STK32B: variants seen among roughly 807,000 people sequenced by gnomAD.
STK32B encodes the protein serine/threonine kinase 32B.
STK32B carries 43 observed loss-of-function variants against 52.6 expected under a neutral mutation model. The ratio of observed to expected loss-of-function variants is 0.82; its 90% confidence interval spans 0.64 to 1.05. The LOEUF is 1.05. Among genes scored for constraint, STK32B ranks in the 50% least tolerant of loss-of-function variants. The pLI is 0.00. For missense variants in STK32B, 621 were observed against 534.6 expected (o/e 1.16, Z -1.59); for synonymous variants, 238 against 204.3 (o/e 1.17, Z -1.41).
chr4:5,354,465 C>T (rs1254221589), intron 4 of STK32B, among the ~76,000 whole-genome samples: 2 of 152,182 alleles, frequency 1.3e-5, no homozygotes, highest in Non-Finnish European at 2.9e-5. Flanking sequence ...AAGGTTTTGC[C>T]ATGTTGGCCA....
At chr4:5,464,127 G>A (rs551714487) in intron 9 of STK32B, among the ~76,000 whole-genome samples, 188 of 152,216 alleles carry the variant, frequency 1.2e-3, no homozygotes, top group African/African-American at 4.3e-3. Flanking sequence ...GGTGCCACAC[G>A]CTCTTAAACT....
chr4:5,438,096 C>T (rs1714270523), intron 6 of STK32B: 4 of 985,392 alleles, frequency 4.1e-6, no homozygotes. Context: ...TGGGGAACAC[C>T]TCGGCACACA....
intron 11 of STK32B, among the ~76,000 whole-genome samples, chr4:5,490,736 A>C (rs1316105733): frequency 3.9e-5 from 6 of 151,902 alleles, no homozygotes; most frequent in Non-Finnish European, 8.8e-5. Context: ...TCTCCACCCC[A>C]CAACAGTCTC....
intron 3 of STK32B, among the ~76,000 whole-genome samples, chr4:5,239,604 A>G (rs940837683): frequency 1.3e-5 from 2 of 152,044 alleles, no homozygotes; most frequent in Non-Finnish European, 2.9e-5. Context: ...TGTGCACCCA[A>G]CTGATGCTGG....
In STK32B at chr4:5,467,925, C is replaced by G; in HGVS notation, c.1042-81C>G. The G allele has an allele frequency of 6.6e-7, 1 of 1,514,836 alleles. No individual in the cohort carries two copies. Among genetic ancestry groups the G allele is most frequent in the Non-Finnish European group, 9.1e-7 (1 of 1,093,194 alleles). 93.8% of individuals were successfully genotyped at this position (1,514,836 alleles called of 1,614,324 possible). A position where few individuals can be genotyped will look rare whatever the true frequency, so the allele number is the denominator to read the frequency against. On this transcript the variant is annotated intron_variant, in intron 10 of 11. Transcript: ENST00000282908. This position sits in a 1 kb window ranked among gnomAD's most constrained non-coding sequence, Gnocchi z 5.8. ...ATCTGAGGTTTCCATCTAGGTCAGT[C>G]TGCCGTCCTGTGATGCTCCATTACC...
intron 1 of STK32B, among the ~76,000 whole-genome samples, chr4:5,117,752 A>G (rs1332010125): frequency 6.6e-6 from 1 of 152,172 alleles, no homozygotes; most frequent in African/African-American, 2.4e-5. Flanking sequence ...AATTGTATAT[A>G]TTATGTAATC....
At chr4:5,126,111 CTGTT>C (rs1715349961) in intron 1 of STK32B, among the ~76,000 whole-genome samples, 1 of 152,222 alleles carries the variant, frequency 6.6e-6, no homozygotes, top group Non-Finnish European at 1.5e-5. Flanking sequence ...CTCCATATGT[CTGTT>C]TGTCTTCTCA....
At chr4:5,288,388 G>A (rs1331284279) in intron 3 of STK32B, among the ~76,000 whole-genome samples, 1 of 152,138 alleles carries the variant, frequency 6.6e-6, no homozygotes, top group African/African-American at 2.4e-5. Flanking sequence ...CAAATCCTAT[G>A]TGCACCTGTG....
chr4:5,051,980 C>G (rs1219914063), intron 1 of STK32B, 65 bp downstream of exon 1: 18 of 1,548,026 alleles, frequency 1.2e-5, no homozygotes, highest in Non-Finnish European at 1.5e-5. Context: ...CACCCTCGGC[C>G]GAGCCCTGCG....
At chr4:5,222,678 G>C (rs1723615077) in intron 3 of STK32B, among the ~76,000 whole-genome samples, 1 of 152,166 alleles carries the variant, frequency 6.6e-6, no homozygotes, top group Non-Finnish European at 1.5e-5. Context: ...GCATCAAAGT[G>C]TTCAGAGTGC....
chr4:5,307,451 T>C (rs144498148), intron 3 of STK32B, among the ~76,000 whole-genome samples: 38 of 152,266 alleles, frequency 2.5e-4, no homozygotes, highest in African/African-American at 8.2e-4. Flanking sequence ...CAGTGCATTT[T>C]GCATTTCTCT....
At chr4:5,102,762 C>A (rs186808220) in intron 1 of STK32B, among the ~76,000 whole-genome samples, 1 of 150,654 alleles carries the variant, frequency 6.6e-6, no homozygotes, top group Non-Finnish European at 1.5e-5. Flanking sequence ...AGGCTGGTCT[C>A]GAACTCCTGA....
chr4:5,263,869 T>C (rs1726885447), intron 3 of STK32B, among the ~76,000 whole-genome samples: 1 of 152,236 alleles, frequency 6.6e-6, no homozygotes, highest in Non-Finnish European at 1.5e-5. Flanking sequence ...CCACTGTGCT[T>C]ATTTCTATCA....
intron 3 of STK32B, among the ~76,000 whole-genome samples, chr4:5,290,942 C>A (rs1286424956): frequency 6.6e-6 from 1 of 152,080 alleles, no homozygotes; most frequent in African/African-American, 2.4e-5. Flanking sequence ...CCAAAATAAT[C>A]TAGGCTGCAT....
intron 3 of STK32B, among the ~76,000 whole-genome samples, chr4:5,268,538 GGTGTGTGTGT>G (rs10593272): frequency 0.017 from 2,436 of 140,156 alleles, 59 homozygotes; most frequent in African/African-American, 0.052. Context: ...TGCTTGGTGT[GGTGTGTGTGT>G]GTGTGTGTGT....
rs76809337 is a variant in STK32B, at chr4:5,450,687, A to G, written c.666+3911A>G. Among the ~76,000 whole-genome samples the G allele has an allele frequency of 9.3e-3, 1,421 of 152,336 alleles. 20 individuals are homozygous for G. Among genetic ancestry groups the G allele is most frequent in the African/African-American group, 0.032 (1,347 of 41,568 alleles). On this transcript the variant is annotated intron_variant, in intron 7 of 11. Transcript: ENST00000282908. ...CCGTTTGTATTAACAAGAAGAAATT[A>G]GTAATTATATCTACCCAATAGGATT...
At chr4:5,283,830 G>C (rs1048761224) in intron 3 of STK32B, among the ~76,000 whole-genome samples, 1 of 152,244 alleles carries the variant, frequency 6.6e-6, no homozygotes, top group East Asian at 1.9e-4. Flanking sequence ...TTGCTAAAGG[G>C]AGTTTTTGTT....
At chr4:5,212,526 C>T (rs144758132) in intron 3 of STK32B, among the ~76,000 whole-genome samples, 80 of 152,328 alleles carry the variant, frequency 5.3e-4, no homozygotes, top group African/African-American at 1.9e-3. Flanking sequence ...GGTTTTCCTG[C>T]AGAAGCACCC....
the STK32B span, among the ~76,000 whole-genome samples, chr4:5,045,697 G>A: frequency 2.0e-4 from 30 of 152,050 alleles, no homozygotes; most frequent in South Asian, 1.5e-3. Context: ...TCATGATTTC[G>A]CTCTCTGTGT....
Sources: allele counts gnomAD v4.1 joint callset (sites outside exome capture counted in the v4.1 genomes callset), GRCh38; gene constraint gnomAD v4.1.1; non-coding constraint Gnocchi (gnomAD v3.1); transcripts MANE v1.5; gene names NCBI Gene and HGNC (gene_info 2026-07-23, HGNC 2026-07-21).